Variants in GINS1 observed in about 807,000 individuals in gnomAD.
GINS1 encodes GINS complex subunit 1.
GINS1 carries 26 observed loss-of-function variants against 34.9 expected under a neutral mutation model. That is an observed-to-expected ratio of 0.74 (90% CI 0.55 to 1.03). The LOEUF (loss-of-function observed/expected upper bound fraction) is 1.03. Among genes scored for constraint, GINS1 ranks in the 50% least tolerant of loss-of-function variants. GINS1 has a pLI of 0.00. For missense variants in GINS1, 235 were observed against 237.9 expected (o/e 0.99, Z 0.08); for synonymous variants, 97 against 84.4 (o/e 1.15, Z -0.82).
At chr20:25,435,254 A>T (rs1021480111) in intron 5 of GINS1, among the ~76,000 whole-genome samples, 4 of 152,234 alleles carry the variant, frequency 2.6e-5, no homozygotes, top group East Asian at 3.9e-4. Context: ...TGAAAATCTT[A>T]TTGAGGATCC....
chr20:25,422,218 C>G (rs1330665906), intron 4 of GINS1, among the ~76,000 whole-genome samples: 1 of 151,972 alleles, frequency 6.6e-6, no homozygotes, highest in Non-Finnish European at 1.5e-5. Context: ...CCTTTGTGTC[C>G]CTCCTCCCAG....
At chr20:25,432,311 T>C (rs1181175638) in intron 5 of GINS1, among the ~76,000 whole-genome samples, 1 of 152,008 alleles carries the variant, frequency 6.6e-6, no homozygotes, top group Non-Finnish European at 1.5e-5. Context: ...AAATTTCCTT[T>C]CTTTCTTTTT....
At position 25,421,042 on chromosome 20, in the gene GINS1, C is replaced by G. The variant is rs796733433; in HGVS notation, c.330+2847C>G. On this transcript the variant is annotated intron_variant, in intron 4 of 6. Coordinates refer to ENST00000262460, the MANE Select transcript of GINS1 (RefSeq NM_021067.5). ...GAGGTCTGAATGTCATCATAGGTAT[C>G]TGTATTACCCAAGGATAGTGCTTCA... 14 of 775,546 alleles carry G rather than the reference C, an allele frequency of 1.8e-5. No homozygotes were observed. In the African/African-American group the frequency reaches 2.6e-4, roughly 15 times the overall value. The allele number at this position is 775,546 out of a possible 1,614,324, so 48.0% of individuals were successfully genotyped here.
chr20:25,427,869 A>AT (rs11411051), intron 5 of GINS1, among the ~76,000 whole-genome samples: 51,808 of 94,264 alleles, frequency 0.55, 15,218 homozygotes, highest in Non-Finnish European at 0.59. Flanking sequence ...CCAGTTCGTC[A>AT]TTTTTTTTTT....
intron 4 of GINS1, among the ~76,000 whole-genome samples, chr20:25,422,862 C>T (rs190879541): frequency 1.7e-3 from 262 of 151,730 alleles, no homozygotes; most frequent in African/African-American, 5.6e-3. Context: ...CCGCAACCCC[C>T]GCCTCCCGGG....
intron 1 of GINS1, among the ~76,000 whole-genome samples, chr20:25,411,732 C>T (rs2090286345): frequency 6.6e-6 from 1 of 152,030 alleles, no homozygotes; most frequent in Admixed American, 6.6e-5. Flanking sequence ...TGCCTGAGGT[C>T]AGGAGTTCGA....
intron 1 of GINS1, 30 bp downstream of exon 1, chr20:25,407,925 T>C (rs767180597): frequency 1.3e-6 from 2 of 1,555,844 alleles, no homozygotes; most frequent in South Asian, 1.1e-5. Flanking sequence ...GGACGGGGCA[T>C]GCCGGCGTTG....
At chr20:25,424,861 T>A (rs1391812707) in intron 4 of GINS1, among the ~76,000 whole-genome samples, 1 of 152,222 alleles carries the variant, frequency 6.6e-6, no homozygotes, top group Non-Finnish European at 1.5e-5. Context: ...TTCTTAACAA[T>A]GTTTTATAGT....
At chr20:25,421,214 A>G (rs1231064352) in intron 4 of GINS1, among the ~76,000 whole-genome samples, 1 of 152,234 alleles carries the variant, frequency 6.6e-6, no homozygotes, top group African/African-American at 2.4e-5. Context: ...TAGTTACATC[A>G]TGGGGCAATG....
chr20:25,443,041 T>A (rs1194100063), intron 6 of GINS1: 1 of 152,218 alleles, frequency 6.6e-6, no homozygotes, highest in Non-Finnish European at 1.5e-5. Context: ...AAGGATTTGG[T>A]GTTCACTTTG....
chr20:25,427,869 A>ATTTTT (rs11411051), intron 5 of GINS1, among the ~76,000 whole-genome samples: 2 of 94,282 alleles, frequency 2.1e-5, no homozygotes, highest in Non-Finnish European at 2.0e-5. Context: ...CCAGTTCGTC[A>ATTTTT]TTTTTTTTTT....
At chr20:25,418,862 C>T (rs1456707535) in intron 4 of GINS1, among the ~76,000 whole-genome samples, 1 of 152,206 alleles carries the variant, frequency 6.6e-6, no homozygotes, top group Admixed American at 6.5e-5. Context: ...CCCTCTTCCC[C>T]TCCCTGGAGG....
intron 6 of GINS1, among the ~76,000 whole-genome samples, chr20:25,445,393 C>G (rs898354097): frequency 3.3e-5 from 5 of 150,576 alleles, no homozygotes; most frequent in Admixed American, 1.3e-4. Flanking sequence ...GTTGCCCAAG[C>G]TGGAGTGCAG....
At chr20:25,422,487 A>C (rs971317184) in intron 4 of GINS1, among the ~76,000 whole-genome samples, 1 of 152,112 alleles carries the variant, frequency 6.6e-6, no homozygotes, top group Non-Finnish European at 1.5e-5. Flanking sequence ...GCTACTCAGA[A>C]GGCTGAGGTG....
chr20:25,443,498 G>C (rs550132460), intron 6 of GINS1, among the ~76,000 whole-genome samples: 18 of 120,850 alleles, frequency 1.5e-4, no homozygotes, highest in Admixed American at 4.4e-4. Flanking sequence ...TTTTTTTTGA[G>C]ACAAAGTCTC....
chr20:25,424,787 A>C (rs2090380909), intron 4 of GINS1, among the ~76,000 whole-genome samples: 1 of 152,198 alleles, frequency 6.6e-6, no homozygotes, highest in Non-Finnish European at 1.5e-5. Flanking sequence ...ATTGTTACTT[A>C]TGGTTAAATA....
Position 25,441,777 on chromosome 20 carries a change from G to C in GINS1, c.522+1G>C. On this transcript the variant is annotated splice_donor_variant, in intron 6 of 6. Transcript: ENST00000262460. LOFTEE classifies it high-confidence loss of function. ...AGTCCTATTAAAAAAAAATAGCCAGGTATTTCTTATCTTCAGATTCTTTAC... is the reference window on the plus strand; with the variant it reads ...AGTCCTATTAAAAAAAAATAGCCAGCTATTTCTTATCTTCAGATTCTTTAC... The C allele has an allele frequency of 7.0e-7, 1 of 1,437,318 alleles. No homozygotes were observed. The highest frequency in any genetic ancestry group is 9.7e-7 in the Non-Finnish European group (1 of 1,030,324). The allele number at this position is 1,437,318 out of a possible 1,614,324, so 89.0% of individuals were successfully genotyped here.
At chr20:25,440,756 C>T (rs2090477325) in intron 5 of GINS1, among the ~76,000 whole-genome samples, 1 of 136,642 alleles carries the variant, frequency 7.3e-6, no homozygotes, top group Non-Finnish European at 1.5e-5. Flanking sequence ...GGTTGTAGTG[C>T]GTGGAGATCA....
intron 5 of GINS1, among the ~76,000 whole-genome samples, chr20:25,429,192 G>A (rs2090413191): frequency 6.6e-6 from 1 of 151,812 alleles, no homozygotes; most frequent in Admixed American, 6.6e-5. Context: ...GTTTCACCAT[G>A]TTGGCTAGGC....
Sources: gnomAD v4.1 joint callset for allele counts (sites outside exome capture counted in the v4.1 genomes callset) on GRCh38, gnomAD v4.1.1 for gene constraint, MANE v1.5 for transcripts, NCBI Gene and HGNC (gene_info 2026-07-23, HGNC 2026-07-21) for gene names.